Variants in DDR2 observed in about 807,000 individuals in gnomAD.
The protein encoded by DDR2 is discoidin domain-containing receptor 2.
DDR2 carries 27 observed loss-of-function variants against 94.9 expected under a neutral mutation model. The ratio of observed to expected loss-of-function variants is 0.28; its 90% CI spans 0.21 to 0.39. The LOEUF (loss-of-function observed/expected upper bound fraction) is 0.39. DDR2 is among the 10% of genes least tolerant of loss of function. The pLI, the probability that DDR2 is intolerant of heterozygous loss-of-function variation, is 1.00. For missense variants in DDR2, 783 were observed against 1,076.0 expected (o/e 0.73, Z 3.81); for synonymous variants, 382 against 377.2 (o/e 1.01, Z -0.15).
chr1:162,732,279 C>A (rs974196574), intron 3 of DDR2, among the ~76,000 whole-genome samples: 3 of 152,192 alleles, frequency 2.0e-5, no homozygotes, highest in Admixed American at 2.0e-4. Flanking sequence ...TGTGGAATCC[C>A]ATTGTGTCAA....
chr1:162,673,626 AG>A (rs1658989512), intron 2 of DDR2, among the ~76,000 whole-genome samples: 5 of 151,340 alleles, frequency 3.3e-5, no homozygotes, highest in African/African-American at 1.2e-4. Context: ...AGAGAGAGAG[AG>A]AGAGAGAGAG....
At chr1:162,699,648 A>G (rs1346602303) in intron 2 of DDR2, among the ~76,000 whole-genome samples, 1 of 152,248 alleles carries the variant, frequency 6.6e-6, no homozygotes, top group South Asian at 2.1e-4. Context: ...TCTTCAAAAC[A>G]TGAAAAAATA....
At chr1:162,672,524 T>TA (rs1658912819) in intron 2 of DDR2, among the ~76,000 whole-genome samples, 1 of 152,210 alleles carries the variant, frequency 6.6e-6, no homozygotes, top group Non-Finnish European at 1.5e-5. Flanking sequence ...AAAGACTATA[T>TA]GTTATATATT....
At chr1:162,647,582 T>C (rs1657477630) in intron 1 of DDR2, among the ~76,000 whole-genome samples, 1 of 152,218 alleles carries the variant, frequency 6.6e-6, no homozygotes, top group South Asian at 2.1e-4. Context: ...TTCTTGATTA[T>C]ATGCTAAATA....
intron 2 of DDR2, among the ~76,000 whole-genome samples, chr1:162,703,885 CGGGATCCCCAT>C (rs1373261112): frequency 6.6e-6 from 1 of 152,130 alleles, no homozygotes; most frequent in Non-Finnish European, 1.5e-5. Context: ...GTGCGCATGC[CGGGATCCCCAT>C]GGGATTGATG....
At chr1:162,653,641 T>C (rs1295054027) in intron 1 of DDR2, among the ~76,000 whole-genome samples, 2 of 152,028 alleles carry the variant, frequency 1.3e-5, no homozygotes, top group Admixed American at 6.6e-5. Flanking sequence ...CTGATGCTGA[T>C]GTGATGCTGA....
intron 2 of DDR2, among the ~76,000 whole-genome samples, chr1:162,715,368 G>A (rs1661119885): frequency 6.6e-6 from 1 of 152,088 alleles, no homozygotes; most frequent in South Asian, 2.1e-4. Context: ...ACAATCAAGG[G>A]GATGAGAGAA....
chr1:162,724,634 G>A (rs774429635), intron 3 of DDR2, among the ~76,000 whole-genome samples: 5 of 152,042 alleles, frequency 3.3e-5, no homozygotes, highest in African/African-American at 7.2e-5. Context: ...CTGGCTTCTC[G>A]TCATTCGTGT....
In DDR2 at chr1:162,632,983, GA is replaced by G. The variant is rs1467438146; in HGVS notation, c.-192+354del. Among the ~76,000 whole-genome samples, 10 of 152,348 alleles carry G rather than the reference GA, an allele frequency of 6.6e-5. No homozygotes were observed. The East Asian group carries it at 1.7e-3, about 26-fold the overall frequency. ...CCGATTGCAGAGTTAGTTTCAGGAT[GA>G]AGAAGGCAGAGCAGGAGAGCTAAGT... On this transcript the variant is annotated intron_variant, in intron 1 of 17. Coordinates refer to ENST00000367921, the MANE Select transcript of DDR2 (RefSeq NM_006182.4).
At chr1:162,678,577 C>T (rs917326134) in intron 2 of DDR2, among the ~76,000 whole-genome samples, 2 of 152,192 alleles carry the variant, frequency 1.3e-5, no homozygotes, top group African/African-American at 4.8e-5. Context: ...CCCAAGGTCA[C>T]GGAGTAAGTC....
intron 1 of DDR2, among the ~76,000 whole-genome samples, chr1:162,647,543 G>A (rs950609609): frequency 2.0e-5 from 3 of 152,202 alleles, no homozygotes; most frequent in African/African-American, 2.4e-5. Flanking sequence ...AGTGGCATGA[G>A]CTGCTCAATT....
At chr1:162,637,174 A>G (rs979349167) in intron 1 of DDR2, among the ~76,000 whole-genome samples, 1 of 152,138 alleles carries the variant, frequency 6.6e-6, no homozygotes, top group Non-Finnish European at 1.5e-5. Flanking sequence ...AGTTACAAGC[A>G]TTTATAAGCA....
chr1:162,767,031 G>A (rs1462477800), intron 10 of DDR2, among the ~76,000 whole-genome samples, 198 bp from the exon 11 acceptor site: 25 of 135,254 alleles, frequency 1.8e-4, no homozygotes, highest in Admixed American at 3.8e-4. Flanking sequence ...TCTATCTCAG[G>A]AAAAAAAAAA....
At chr1:162,647,136 A>C (rs1657451880) in intron 1 of DDR2, among the ~76,000 whole-genome samples, 1 of 152,212 alleles carries the variant, frequency 6.6e-6, no homozygotes, top group Non-Finnish European at 1.5e-5. Flanking sequence ...TCCTTCCTGG[A>C]GGCCAAGCAT....
chr1:162,700,141 A>T (rs1194610246), intron 2 of DDR2, among the ~76,000 whole-genome samples: 1 of 152,250 alleles, frequency 6.6e-6, no homozygotes, highest in Non-Finnish European at 1.5e-5. Context: ...TACAGTGACC[A>T]TGATCCTATC....
At position 162,780,250 on chromosome 1, in the gene DDR2, T is replaced by C; in HGVS notation, c.*4T>C. On this transcript the variant is annotated 3_prime_UTR_variant, in exon 18 of 18. Transcript: ENST00000367921. ...CCTTCAACAAGGCGACGAGTGATGC[T>C]GTCAGTGCCTGGCCATGTTCCTACG... is the stretch of plus-strand genomic sequence containing the variant. 2 of 1,613,826 alleles carry C rather than the reference T, an allele frequency of 1.2e-6. No homozygotes were observed. The highest frequency in any genetic ancestry group is 1.7e-6 in the Non-Finnish European group (2 of 1,179,852).
intron 2 of DDR2, among the ~76,000 whole-genome samples, chr1:162,660,012 G>A (rs1658210104): frequency 7.4e-6 from 1 of 135,606 alleles, no homozygotes; most frequent in Non-Finnish European, 1.6e-5. Flanking sequence ...ACAACGTTAA[G>A]TATTTCTTGC....
chr1:162,747,785 G>A (rs1328607785), intron 3 of DDR2, among the ~76,000 whole-genome samples: 1 of 152,218 alleles, frequency 6.6e-6, no homozygotes, highest in Admixed American at 6.5e-5. Flanking sequence ...AAGCCCATCA[G>A]CCTAATAGCG....
At chr1:162,684,844 CACACACACACAT>C (rs1659603410) in intron 2 of DDR2, among the ~76,000 whole-genome samples, 1 of 148,912 alleles carries the variant, frequency 6.7e-6, no homozygotes, top group South Asian at 2.1e-4. Flanking sequence ...CACACACACA[CACACACACACAT>C]ACATGAATAG....
Sources: gnomAD v4.1 joint callset for allele counts (sites outside exome capture counted in the v4.1 genomes callset) on GRCh38, gnomAD v4.1.1 for gene constraint, MANE v1.5 for transcripts, NCBI Gene and HGNC (gene_info 2026-07-23, HGNC 2026-07-21) for gene names.